The following SMOC1 variants were observed in gnomAD, a reference collection of about 807,000 sequenced individuals.
The protein encoded by SMOC1 is SPARC related modular calcium binding 1.
SMOC1 carries 22 observed loss-of-function variants against 56.3 expected under a neutral mutation model. The ratio of observed to expected loss-of-function variants is 0.39; its 90% CI spans 0.28 to 0.56. The LOEUF is 0.56. SMOC1 is among the 20% of genes least tolerant of loss of function. The pLI, the probability that SMOC1 is intolerant of heterozygous loss-of-function variation, is 0.61. For missense variants in SMOC1, 509 were observed against 565.4 expected, an observed-to-expected ratio of 0.90 and a Z score of 1.01; for synonymous variants, 193 against 215.0, an observed-to-expected ratio of 0.90 and a Z score of 0.89.
intron 1 of SMOC1, among the ~76,000 whole-genome samples, chr14:69,893,849 T>C (rs1418417239): frequency 6.6e-6 from 1 of 152,102 alleles, no homozygotes; most frequent in Non-Finnish European, 1.5e-5. Flanking sequence ...AACAATTAAG[T>C]TAAAATGAGT....
intron 1 of SMOC1, among the ~76,000 whole-genome samples, chr14:69,880,718 T>C (rs1883614803): frequency 6.6e-6 from 1 of 152,224 alleles, no homozygotes; most frequent in African/African-American, 2.4e-5. Flanking sequence ...GACTCTTAAC[T>C]GGCAGCCTGA....
At chr14:69,973,893 A>G (rs1292949120) in intron 3 of SMOC1, among the ~76,000 whole-genome samples, 1 of 152,148 alleles carries the variant, frequency 6.6e-6, no homozygotes, top group Admixed American at 6.5e-5. Flanking sequence ...GTGTGCTATT[A>G]CTGTCTAGCC....
chr14:69,948,739 C>T (rs935491182), intron 1 of SMOC1, among the ~76,000 whole-genome samples: 18 of 152,146 alleles, frequency 1.2e-4, no homozygotes, highest in African/African-American at 4.3e-4. Context: ...AGAAGATGAA[C>T]AAGAACTTAT....
rs147364281 is a variant in SMOC1, at chr14:69,881,793, A to G, written c.99+2016A>G. Among the ~76,000 whole-genome samples, 597 of 152,322 alleles carry G rather than the reference A, an allele frequency of 3.9e-3. 2 individuals are homozygous for G. The highest frequency in any genetic ancestry group is 0.017 in the Middle Eastern group (5 of 294). ...TTTATAGATAACAATAAGAGCTACC[A>G]CTTATGAACATCTGGGCTGGGCACT... is the stretch of plus-strand genomic sequence containing the variant. On this transcript the variant is annotated intron_variant, in intron 1 of 11. Coordinates refer to ENST00000361956, the MANE Select transcript of SMOC1 (RefSeq NM_001034852.3).
intron 11 of SMOC1, among the ~76,000 whole-genome samples, chr14:70,024,618 G>A (rs1189697545): frequency 2.6e-5 from 4 of 152,022 alleles, no homozygotes; most frequent in Non-Finnish European, 2.9e-5. Context: ...CTAAGCCAAG[G>A]CAAATGAGGA....
At chr14:69,978,238 T>A (rs1884042522) in intron 5 of SMOC1, 4 of 528,174 alleles carry the variant, frequency 7.6e-6, no homozygotes, top group Non-Finnish European at 1.4e-5. Flanking sequence ...CCTAGGAATA[T>A]TGGTTCCCTG....
chr14:70,009,661 G>A (rs1056139424), intron 7 of SMOC1, among the ~76,000 whole-genome samples: 3 of 152,150 alleles, frequency 2.0e-5, no homozygotes, highest in Non-Finnish European at 4.4e-5. Flanking sequence ...AAATAAACAA[G>A]TAAATGAAAA....
chr14:69,917,694 T>C (rs140310321), intron 1 of SMOC1, among the ~76,000 whole-genome samples: 24 of 152,364 alleles, frequency 1.6e-4, no homozygotes, highest in African/African-American at 4.8e-4. Context: ...TCTTTTCCTC[T>C]TTCTTCACCT....
chr14:69,938,921 G>C (rs780664149), intron 1 of SMOC1, among the ~76,000 whole-genome samples: 1 of 152,184 alleles, frequency 6.6e-6, no homozygotes, highest in African/African-American at 2.4e-5. Flanking sequence ...CCCTCCAAAC[G>C]ATGACTTCCT....
At chr14:69,918,471 G>T (rs1393280874) in intron 1 of SMOC1, among the ~76,000 whole-genome samples, 1 of 152,002 alleles carries the variant, frequency 6.6e-6, no homozygotes, top group Non-Finnish European at 1.5e-5. Context: ...CAAGCAATCT[G>T]CCCACCTTGG....
chr14:69,978,878 A>G (rs1884074105), intron 5 of SMOC1, among the ~76,000 whole-genome samples: 1 of 152,186 alleles, frequency 6.6e-6, no homozygotes, highest in South Asian at 2.1e-4. Context: ...GGTCCCTGGA[A>G]TATGCTGACC....
chr14:69,906,535 A>T (rs1884413454), intron 1 of SMOC1, among the ~76,000 whole-genome samples: 1 of 152,234 alleles, frequency 6.6e-6, no homozygotes, highest in Non-Finnish European at 1.5e-5. Context: ...AGCAGAGACA[A>T]ATCATGCCTT....
chr14:69,894,497 T>C, intron 1 of SMOC1, among the ~76,000 whole-genome samples: 1 of 152,138 alleles, frequency 6.6e-6, no homozygotes, highest in East Asian at 1.9e-4. Flanking sequence ...GGGTTACCCA[T>C]TTCTGGGACA....
In SMOC1 at chr14:70,010,826, T is replaced by C. The variant is rs778795184; in HGVS notation, c.737T>C (p.Ile246Thr). Residue 246 changes from isoleucine (I) to threonine (T), a missense_variant, in exon 8 of 12, where the codon ATT (isoleucine) becomes ACT (threonine). Physicochemically the swap from Ile to Thr is moderately conservative, Grantham distance 89. Around this residue, in one of 3 missense-constraint regions of SMOC1, gnomAD observed 315 missense variants for 333.1 expected, o/e 0.95. Coordinates refer to ENST00000361956, the MANE Select transcript of SMOC1 (RefSeq NM_001034852.3). ...GCCCAGCAGAATCCCCGTGAGGGTA[T>C]TGTCATCCCTGAATGTGCCCCTGGG... is the stretch of plus-strand genomic sequence containing the variant. ...EEAQQNPREG[I>T]VIPECAPGGL... The C allele has an allele frequency of 6.2e-6, 10 of 1,614,068 alleles. 1 individual carries two copies. The highest frequency in any genetic ancestry group is 4.4e-5 in the South Asian group (4 of 91,088).
chr14:69,934,789 G>A (rs1357631798), intron 1 of SMOC1, among the ~76,000 whole-genome samples: 1 of 152,150 alleles, frequency 6.6e-6, no homozygotes, highest in East Asian at 1.9e-4. Flanking sequence ...CAGTTCCTTG[G>A]TCCTTGTTGG....
intron 1 of SMOC1, among the ~76,000 whole-genome samples, chr14:69,930,621 G>A (rs74060654): frequency 2.1e-3 from 325 of 152,232 alleles, no homozygotes; most frequent in African/African-American, 7.7e-3. Context: ...AGGGCCCCTG[G>A]GTATGCAAGA....
At chr14:70,010,240 C>G (rs1594853648) in intron 7 of SMOC1, among the ~76,000 whole-genome samples, 1 of 152,230 alleles carries the variant, frequency 6.6e-6, no homozygotes, top group Non-Finnish European at 1.5e-5. Flanking sequence ...TTCTGCTCCT[C>G]CTGGGTGCCG....
intron 10 of SMOC1, among the ~76,000 whole-genome samples, chr14:70,017,345 G>T (rs1885554652): frequency 6.6e-6 from 1 of 152,212 alleles, no homozygotes; most frequent in South Asian, 2.1e-4. Context: ...TGATGGAGGA[G>T]CAGAGGTATG....
intron 3 of SMOC1, among the ~76,000 whole-genome samples, chr14:69,960,778 T>G (rs1041131119): frequency 2.0e-5 from 3 of 150,496 alleles, no homozygotes; most frequent in African/African-American, 7.4e-5. Flanking sequence ...TTAGCAGATG[T>G]TAGTTTTCTT....
Sources: gnomAD v4.1 joint callset for allele counts (sites outside exome capture counted in the v4.1 genomes callset) on GRCh38, gnomAD v4.1.1 for gene constraint, gnomAD v4.1.1 regional missense constraint, MANE v1.5 for transcripts, NCBI Gene and HGNC (gene_info 2026-07-23, HGNC 2026-07-21) for gene names.